Variants in PDE11A observed in about 807,000 individuals in gnomAD.
The protein encoded by PDE11A is dual 3',5'-cyclic-AMP and -GMP phosphodiesterase 11A.
In PDE11A, 100 loss-of-function variants were observed where a neutral mutation model predicts 100.5. The ratio of observed to expected loss-of-function variants is 1.00; its 90% CI spans 0.85 to 1.18. PDE11A has a LOEUF of 1.18. Among genes scored for constraint, PDE11A ranks in the 50% most tolerant of loss-of-function variants. The pLI is 0.00. For missense variants in PDE11A, 1,141 were observed against 1,152.6 expected, an observed-to-expected ratio of 0.99 and a Z score of 0.15; for synonymous variants, 381 against 420.8, an observed-to-expected ratio of 0.91 and a Z score of 1.16.
At chr2:177,997,638 T>C in intron 2 of PDE11A, 1 of 1,417,752 alleles carries the variant, frequency 7.1e-7, no homozygotes, top group Non-Finnish European at 1.0e-6. Flanking sequence ...GTGCAAAGTA[T>C]TGCAGCCTGA....
intron 6 of PDE11A, among the ~76,000 whole-genome samples, chr2:177,839,920 T>G (rs2083462152): frequency 6.6e-6 from 1 of 152,212 alleles, no homozygotes; most frequent in Admixed American, 6.5e-5. Context: ...TACTGTTTCT[T>G]GGGAGCAATT....
chr2:177,731,628 A>AT (rs1343528985), intron 10 of PDE11A, among the ~76,000 whole-genome samples: 2 of 152,244 alleles, frequency 1.3e-5, no homozygotes, highest in East Asian at 1.9e-4. Context: ...TCTAGTCTTT[A>AT]TGGAGTGGGG....
At chr2:177,831,391 C>T (rs553606251) in intron 6 of PDE11A, among the ~76,000 whole-genome samples, 29 of 152,310 alleles carry the variant, frequency 1.9e-4, no homozygotes, top group African/African-American at 6.7e-4. Flanking sequence ...CTAAGGACTT[C>T]CCTGAATTTT....
intron 5 of PDE11A, among the ~76,000 whole-genome samples, chr2:177,867,203 T>C (rs1390806995): frequency 1.3e-5 from 2 of 152,204 alleles, no homozygotes. Context: ...GTTGGCACAG[T>C]CAGAATTTAC....
At chr2:178,081,230 A>G (rs1574388700) in intron 2 of PDE11A, among the ~76,000 whole-genome samples, 1 of 152,330 alleles carries the variant, frequency 6.6e-6, no homozygotes, top group Non-Finnish European at 1.5e-5. Flanking sequence ...CCTGAAGTTT[A>G]GCCTCTGAAA....
chr2:177,762,963 C>T (rs1003316520), intron 10 of PDE11A, among the ~76,000 whole-genome samples: 4 of 152,172 alleles, frequency 2.6e-5, no homozygotes, highest in African/African-American at 4.8e-5. Context: ...TCAGCACCCA[C>T]TCCCCCGCCC....
intron 1 of PDE11A, among the ~76,000 whole-genome samples, chr2:178,018,823 C>T (rs2086372703): frequency 6.6e-6 from 1 of 152,216 alleles, no homozygotes; most frequent in South Asian, 2.1e-4. Context: ...GCTGGGATCA[C>T]AGGTGTGAGC....
At chr2:177,631,675 A>G (rs1459146505) in intron 19 of PDE11A, among the ~76,000 whole-genome samples, 1 of 147,292 alleles carries the variant, frequency 6.8e-6, no homozygotes, top group African/African-American at 2.5e-5. Flanking sequence ...ACACATATAT[A>G]TATGGTATTT....
intron 10 of PDE11A, among the ~76,000 whole-genome samples, chr2:177,757,664 T>C (rs1188379773): frequency 2.6e-5 from 4 of 152,166 alleles, no homozygotes; most frequent in African/African-American, 9.7e-5. Flanking sequence ...TCTCAGACTC[T>C]CACCTTTCGT....
At chr2:177,839,022 G>A (rs1202945785) in intron 6 of PDE11A, among the ~76,000 whole-genome samples, 1 of 152,206 alleles carries the variant, frequency 6.6e-6, no homozygotes, top group African/African-American at 2.4e-5. Flanking sequence ...AGAAGGAATA[G>A]AAAATACATG....
intron 10 of PDE11A, among the ~76,000 whole-genome samples, chr2:177,745,035 G>T (rs749362311): frequency 2.0e-5 from 3 of 152,196 alleles, no homozygotes; most frequent in Admixed American, 6.5e-5. Flanking sequence ...CCTAGTGAAA[G>T]TTGCTATCAT....
chr2:177,740,728 A>G (rs1031693214), intron 10 of PDE11A, among the ~76,000 whole-genome samples: 3 of 152,106 alleles, frequency 2.0e-5, no homozygotes, highest in African/African-American at 7.2e-5. Flanking sequence ...GCTTCCAGAG[A>G]TTTTCTTCCA....
chr2:177,906,527 T>C (rs886445371), intron 2 of PDE11A, among the ~76,000 whole-genome samples: 1 of 152,182 alleles, frequency 6.6e-6, no homozygotes, highest in Non-Finnish European at 1.5e-5. Flanking sequence ...CAGAGCCATA[T>C]AAAAACTAAA....
At chr2:177,787,953 C>T (rs2082564305) in intron 9 of PDE11A, among the ~76,000 whole-genome samples, 1 of 151,928 alleles carries the variant, frequency 6.6e-6, no homozygotes, top group African/African-American at 2.4e-5. Context: ...ACTTTAACAC[C>T]CCACTGTCAA....
intron 15 of PDE11A, among the ~76,000 whole-genome samples, chr2:177,693,666 C>T (rs955106856): frequency 1.3e-5 from 2 of 152,234 alleles, no homozygotes; most frequent in Admixed American, 6.5e-5. Flanking sequence ...TAATATATCC[C>T]CAATTAAAAT....
chr2:178,006,341 T>C (rs2086210474), intron 2 of PDE11A, among the ~76,000 whole-genome samples: 1 of 152,096 alleles, frequency 6.6e-6, no homozygotes, highest in Non-Finnish European at 1.5e-5. Context: ...GAAAGAAAGG[T>C]GGAAATGAGA....
intron 5 of PDE11A, among the ~76,000 whole-genome samples, chr2:177,845,686 G>A (rs2083581448): frequency 6.6e-6 from 1 of 152,168 alleles, no homozygotes; most frequent in South Asian, 2.1e-4. Flanking sequence ...AGGCAGCTGG[G>A]AGGTGGAGGT....
chr2:177,922,968 T>C, intron 2 of PDE11A: 1 of 243,332 alleles, frequency 4.1e-6, no homozygotes, highest in Non-Finnish European at 6.6e-6. Context: ...CTACTTATTT[T>C]ACAAGGACCA....
intron 18 of PDE11A, among the ~76,000 whole-genome samples, chr2:177,666,277 T>C (rs988350339): frequency 6.6e-6 from 1 of 152,258 alleles, no homozygotes; most frequent in African/African-American, 2.4e-5. Flanking sequence ...TAATATTTCA[T>C]TGTATAGATG....
Sources: allele counts gnomAD v4.1 joint callset (sites outside exome capture counted in the v4.1 genomes callset), GRCh38; gene constraint gnomAD v4.1.1; transcripts MANE v1.5; gene names NCBI Gene and HGNC (gene_info 2026-07-23, HGNC 2026-07-21).